Variants in MEGF10 observed in about 807,000 individuals in gnomAD.
MEGF10 encodes multiple EGF like domains 10.
A neutral mutation model predicts 147.5 loss-of-function variants in MEGF10; 86 were observed. The observed-to-expected ratio is 0.58, with a 90% CI of 0.49 to 0.70. The LOEUF (loss-of-function observed/expected upper bound fraction) is 0.70. Ranked by LOEUF, MEGF10 falls within the 30% of genes least tolerant of loss-of-function variation. The pLI is 0.00. For synonymous variants in MEGF10, 478 were observed against 525.5 expected, an observed-to-expected ratio of 0.91 and a Z score of 1.24; for missense variants, 1,329 against 1,487.3, an observed-to-expected ratio of 0.89 and a Z score of 1.75.
intron 5 of MEGF10, 46 bp downstream of exon 5, chr5:127,370,048 A>G (rs1339457518): frequency 1.4e-6 from 2 of 1,460,708 alleles, no homozygotes; most frequent in Admixed American, 3.4e-5. Flanking sequence ...TTTTTGCTGT[A>G]AGGCCCTCCT....
In MEGF10 at chr5:127,349,689, T is replaced by G. The variant is rs574508019; in HGVS notation, c.319+9059T>G. ...AGCATGGGACAGGACTTCCTTTTTT[T>G]TTTTGTTTTTTTTAGGCTACACAAT... On this transcript the variant is annotated intron_variant, in intron 4 of 24. Transcript: ENST00000503335. 2.0e-3 allele frequency among the ~76,000 whole-genome samples: 301 copies of G among 150,766 alleles called. 2 individuals carry two copies. Among genetic ancestry groups the G allele is most frequent in the African/African-American group, 7.0e-3 (288 of 41,272 alleles).
At chr5:127,318,713 G>A (rs1490163324) in intron 1 of MEGF10, among the ~76,000 whole-genome samples, 3 of 152,092 alleles carry the variant, frequency 2.0e-5, no homozygotes, top group Non-Finnish European at 4.4e-5. Flanking sequence ...CAGATCAAAC[G>A]TAATTGGCTG....
chr5:127,306,189 G>A (rs561653236), intron 1 of MEGF10, among the ~76,000 whole-genome samples: 3 of 152,286 alleles, frequency 2.0e-5, no homozygotes, highest in African/African-American at 7.2e-5. Context: ...TTAGGGCCCC[G>A]GTGCCGTGTG....
intron 4 of MEGF10, among the ~76,000 whole-genome samples, chr5:127,363,256 A>C (rs191195327): frequency 7.2e-5 from 11 of 152,348 alleles, no homozygotes; most frequent in African/African-American, 2.2e-4. Flanking sequence ...TGTATTAGTT[A>C]CAAATCATGT....
intron 4 of MEGF10, among the ~76,000 whole-genome samples, chr5:127,358,512 G>C (rs1351656756): frequency 6.6e-6 from 1 of 152,166 alleles, no homozygotes; most frequent in African/African-American, 2.4e-5. Flanking sequence ...AGAATTTATG[G>C]CTCCATAGAG....
At chr5:127,238,170 C>T in the MEGF10 span, among the ~76,000 whole-genome samples, 1 of 151,786 alleles carries the variant, frequency 6.6e-6, no homozygotes, top group Non-Finnish European at 1.5e-5. Context: ...ATTCTCCTGC[C>T]TCAGCCTCCC....
At chr5:127,384,241 C>CT (rs1413767325) in intron 5 of MEGF10, among the ~76,000 whole-genome samples, 2 of 152,188 alleles carry the variant, frequency 1.3e-5, no homozygotes, top group East Asian at 3.9e-4. Flanking sequence ...TGGTACATGT[C>CT]TTGGTAAGGA....
intron 5 of MEGF10, among the ~76,000 whole-genome samples, chr5:127,381,030 G>C (rs1284091290): frequency 6.6e-6 from 1 of 152,152 alleles, no homozygotes; most frequent in African/African-American, 2.4e-5. Context: ...TTCTGAAATG[G>C]TGGCCCCATG....
At chr5:127,419,018 A>G (rs1225855452) in intron 10 of MEGF10, 102 bp from the exon 11 acceptor site, 2 of 1,336,354 alleles carry the variant, frequency 1.5e-6, no homozygotes, top group African/African-American at 2.9e-5. Context: ...AAAATTAGAG[A>G]GGAAGTATAA....
intron 2 of MEGF10, among the ~76,000 whole-genome samples, chr5:127,333,684 T>C (rs1223960925): frequency 6.6e-6 from 1 of 152,154 alleles, no homozygotes; most frequent in East Asian, 1.9e-4. Flanking sequence ...TAATTCCCAC[T>C]GTCTAAAACA....
At chr5:127,394,921 C>T (rs1009866495) in intron 5 of MEGF10, among the ~76,000 whole-genome samples, 29 of 152,230 alleles carry the variant, frequency 1.9e-4, no homozygotes, top group African/African-American at 7.0e-4. Flanking sequence ...TTCATTTAAA[C>T]CTTTTGATAT....
chr5:127,340,830 T>G lies in MEGF10; in HGVS notation c.319+200T>G, dbSNP rs560580798. Among the ~76,000 whole-genome samples, 9 of 152,278 alleles carry G rather than the reference T, an allele frequency of 5.9e-5. No homozygotes were observed. In the South Asian group the frequency reaches 1.9e-3, roughly 32 times the overall value. On this transcript the variant is annotated intron_variant, in intron 4 of 24. Transcript: ENST00000503335. ...TCCTGTCTTATCCAAAGTCTCCAAA[T>G]GAATGTTGCTTAAGGTGAAAACAGC... is the stretch of plus-strand genomic sequence containing the variant.
chr5:127,356,693 G>A (rs1762292627), intron 4 of MEGF10, among the ~76,000 whole-genome samples: 1 of 152,184 alleles, frequency 6.6e-6, no homozygotes, highest in African/African-American at 2.4e-5. Flanking sequence ...ATCCAGGGAG[G>A]AGAATAGGTT....
At chr5:127,353,640 C>T (rs968397538) in intron 4 of MEGF10, among the ~76,000 whole-genome samples, 7 of 152,220 alleles carry the variant, frequency 4.6e-5, no homozygotes, top group Non-Finnish European at 8.8e-5. Context: ...CAGTCCAGCT[C>T]CCATTCTCTT....
chr5:127,337,071 G>T (rs769790134), intron 2 of MEGF10, among the ~76,000 whole-genome samples: 1 of 152,104 alleles, frequency 6.6e-6, no homozygotes, highest in African/African-American at 2.4e-5. Flanking sequence ...AAAATTTGAG[G>T]ACGGCCATAC....
At chr5:127,422,846 A>G in intron 13 of MEGF10, 74 bp downstream of exon 13, 2 of 1,034,874 alleles carry the variant, frequency 1.9e-6, no homozygotes, top group Non-Finnish European at 3.0e-6. Context: ...TTATCACTTC[A>G]CAGAAACACA....
chr5:127,410,692 C>T, intron 9 of MEGF10, 91 bp downstream of exon 9: 1 of 1,213,770 alleles, frequency 8.2e-7, no homozygotes, highest in Non-Finnish European at 1.2e-6. Flanking sequence ...TAGAGTGATT[C>T]TCACCCCAAG....
chr5:127,434,267 G>A (rs770377858), intron 14 of MEGF10, among the ~76,000 whole-genome samples: 3 of 150,386 alleles, frequency 2.0e-5, no homozygotes, highest in African/African-American at 7.3e-5. Flanking sequence ...ACTGTTGATC[G>A]ATTTTTATTG....
chr5:127,360,852 A>G (rs1029837291), intron 4 of MEGF10, among the ~76,000 whole-genome samples: 2 of 150,452 alleles, frequency 1.3e-5, no homozygotes, highest in African/African-American at 5.0e-5. Flanking sequence ...ATGTGTGTAT[A>G]TATATGTGTG....
Sources: gnomAD v4.1 joint callset for allele counts (sites outside exome capture counted in the v4.1 genomes callset) on GRCh38, gnomAD v4.1.1 for gene constraint, MANE v1.5 for transcripts, NCBI Gene and HGNC (gene_info 2026-07-23, HGNC 2026-07-21) for gene names.